RPS6KA2: variants seen among roughly 807,000 people sequenced by gnomAD.
RPS6KA2 encodes ribosomal protein S6 kinase alpha-2.
A neutral mutation model predicts 91.8 loss-of-function variants in RPS6KA2; 42 were observed. That is an observed-to-expected ratio of 0.46 (90% CI 0.36 to 0.59). The LOEUF (loss-of-function observed/expected upper bound fraction) is 0.59. Ranked by LOEUF, RPS6KA2 falls within the 20% of genes least tolerant of loss-of-function variation. The pLI is 0.00. For missense variants in RPS6KA2, 798 were observed against 978.5 expected, an observed-to-expected ratio of 0.82 and a Z score of 2.46; for synonymous variants, 414 against 393.6, an observed-to-expected ratio of 1.05 and a Z score of -0.61.
At chr6:166,551,199 T>C (rs891134863) in intron 1 of RPS6KA2, among the ~76,000 whole-genome samples, 1 of 152,146 alleles carries the variant, frequency 6.6e-6, no homozygotes, top group Non-Finnish European at 1.5e-5. Flanking sequence ...AATGTATGTG[T>C]GTGTTGGACT....
chr6:166,586,424 T>C, intron 1 of RPS6KA2: 7 of 1,599,998 alleles, frequency 4.4e-6, no homozygotes, highest in Non-Finnish European at 5.9e-6. Context: ...TTTCTGTGAA[T>C]CTACTAGCAA....
At chr6:166,728,888 C>A (rs928721993) in intron 2 of RPS6KA2, among the ~76,000 whole-genome samples, 9 of 152,208 alleles carry the variant, frequency 5.9e-5, no homozygotes, top group African/African-American at 9.6e-5. Flanking sequence ...CTAAAACTGG[C>A]ATTTCTCAAC....
At position 166,627,063 on chromosome 6, in the gene RPS6KA2, G is replaced by T; in HGVS notation, c.-44C>A. Reference sequence around the variant, plus strand: ...GAGCAGCCGCAGGGCCGGGGGACGCGCATCCCCGGCATCCCAGGCGCGGGG... The same window carrying T: ...GAGCAGCCGCAGGGCCGGGGGACGCTCATCCCCGGCATCCCAGGCGCGGGG... On this transcript the variant is annotated 5_prime_UTR_variant, in exon 1 of 21. Coordinates refer to ENST00000265678, the MANE Select transcript of RPS6KA2 (RefSeq NM_021135.6). 1 of 1,319,788 alleles carries T rather than the reference G, an allele frequency of 7.6e-7. No individual in the cohort carries two copies. Among genetic ancestry groups the T allele is most frequent in the Admixed American group, 3.2e-5 (1 of 31,154 alleles). 81.8% of individuals were successfully genotyped at this position (1,319,788 alleles called of 1,614,324 possible).
At chr6:166,667,989 C>A (rs965653267) in intron 2 of RPS6KA2, among the ~76,000 whole-genome samples, 1 of 152,250 alleles carries the variant, frequency 6.6e-6, no homozygotes, top group East Asian at 1.9e-4. Flanking sequence ...CCGCACACAG[C>A]GGGAGCTCAT....
At chr6:166,470,581 G>A (rs1562517096) in intron 10 of RPS6KA2, among the ~76,000 whole-genome samples, 1 of 152,216 alleles carries the variant, frequency 6.6e-6, no homozygotes, top group African/African-American at 2.4e-5. Context: ...AGTAGGCGGA[G>A]CGCTGGGGGC....
chr6:166,427,747 G>C (rs886424129), intron 16 of RPS6KA2, among the ~76,000 whole-genome samples: 3 of 152,264 alleles, frequency 2.0e-5, no homozygotes, highest in East Asian at 1.9e-4. Context: ...ACTTACAAGG[G>C]ACGTGAAGGA....
rs1037619473 is a variant in RPS6KA2 at position 166,494,827 on chromosome 6, G to A, written c.747+3681C>T. 6.6e-6 allele frequency among the ~76,000 whole-genome samples: 1 copy of A among 152,156 alleles called. No individual in the cohort carries two copies. The highest frequency in any genetic ancestry group is 2.4e-5 in the African/African-American group (1 of 41,426). ...GGGACGGACGGCCACCCACACATGA[G>A]GACCACTCCCTCAGCACGCGGCCTC... On this transcript the variant is annotated intron_variant, in intron 8 of 20. Coordinates refer to ENST00000265678, the MANE Select transcript of RPS6KA2 (RefSeq NM_021135.6). The surrounding 1 kb of genome is among the most constrained non-coding windows in gnomAD (Gnocchi z 5.1).
chr6:166,657,161 G>A (rs1436331121), intron 2 of RPS6KA2, among the ~76,000 whole-genome samples: 1 of 152,152 alleles, frequency 6.6e-6, no homozygotes, highest in Admixed American at 6.5e-5. Flanking sequence ...AGGAAAAGGA[G>A]AACTTCATCA....
intron 5 of RPS6KA2, 51 bp from the exon 6 acceptor site, chr6:166,504,663 T>C (rs1426442173): frequency 7.5e-7 from 1 of 1,324,822 alleles, no homozygotes; most frequent in South Asian, 1.2e-5. Context: ...ACTTGTTTTA[T>C]GGCTGGTGTG....
At chr6:166,633,710 TAC>T (rs1787150926) in intron 2 of RPS6KA2, among the ~76,000 whole-genome samples, 1 of 152,256 alleles carries the variant, frequency 6.6e-6, no homozygotes, top group South Asian at 2.1e-4. Context: ...AGATTATAAT[TAC>T]AGTTATAATT....
At chr6:166,724,706 A>G (rs1339321835) in intron 2 of RPS6KA2, among the ~76,000 whole-genome samples, 6 of 152,164 alleles carry the variant, frequency 3.9e-5, no homozygotes, top group African/African-American at 9.7e-5. Context: ...TCCTAGTCCT[A>G]TGCTGAGGGT....
At chr6:166,505,307 C>T (rs969186641) in intron 5 of RPS6KA2, among the ~76,000 whole-genome samples, 2 of 152,144 alleles carry the variant, frequency 1.3e-5, no homozygotes, top group Non-Finnish European at 2.9e-5. Flanking sequence ...GCCTAAGTGT[C>T]CATGTCCCGG....
intron 10 of RPS6KA2, among the ~76,000 whole-genome samples, chr6:166,471,342 G>A (rs577786335): frequency 1.3e-5 from 2 of 152,256 alleles, no homozygotes; most frequent in African/African-American, 2.4e-5. Context: ...CCTCCATTCC[G>A]CACTCTGGGC....
chr6:166,704,850 TTACAG>T (rs1267303761), intron 2 of RPS6KA2, among the ~76,000 whole-genome samples: 3 of 152,252 alleles, frequency 2.0e-5, no homozygotes, highest in African/African-American at 7.2e-5. Context: ...TTTTTCCTTA[TTACAG>T]TAAAGTTCTG....
intron 2 of RPS6KA2, among the ~76,000 whole-genome samples, chr6:166,777,247 C>A (rs537544286): frequency 1.5e-4 from 23 of 152,356 alleles, no homozygotes; most frequent in African/African-American, 5.3e-4. Flanking sequence ...GATTTTACGT[C>A]TTCTCTGATA....
chr6:166,683,746 G>A (rs1788911642), intron 2 of RPS6KA2, among the ~76,000 whole-genome samples: 1 of 152,238 alleles, frequency 6.6e-6, no homozygotes, highest in South Asian at 2.1e-4. Flanking sequence ...TTCGCATCCA[G>A]GGCCTCACTC....
rs1228092847 is a variant in RPS6KA2 at position 166,517,455 on chromosome 6, G to T, written c.299-7098C>A. 1.2e-3 allele frequency among the ~76,000 whole-genome samples: 122 copies of T among 104,864 alleles called. 2 individuals are homozygous for T. The highest frequency in any genetic ancestry group is 5.5e-3 in the South Asian group (18 of 3,278). 68.8% of individuals were successfully genotyped at this position (104,864 alleles called of 152,430 possible). A position where few individuals can be genotyped will look rare whatever the true frequency, so the allele number is the denominator to read the frequency against. ...ACCACTTAAGGCGTTCTTTTGTTTT[G>T]TTTTTTTTTTTTTTTTTTTTTTTTT... On this transcript the variant is annotated intron_variant, in intron 3 of 20. Transcript: ENST00000265678.
intron 2 of RPS6KA2, among the ~76,000 whole-genome samples, chr6:166,751,723 G>A (rs538666913): frequency 2.9e-4 from 44 of 152,360 alleles, no homozygotes; most frequent in African/African-American, 1.0e-3. Context: ...TGCACCATTC[G>A]CATCCTAGTG....
chr6:166,748,548 T>TCGGGCCCCCACC, intron 2 of RPS6KA2, among the ~76,000 whole-genome samples: 1 of 40,512 alleles, frequency 2.5e-5, no homozygotes, highest in East Asian at 8.3e-4. Flanking sequence ...CCCCATCCCC[T>TCGGGCCCCCACC]TGGGCCCCCA....
Sources: gnomAD v4.1 joint callset for allele counts (sites outside exome capture counted in the v4.1 genomes callset) on GRCh38, gnomAD v4.1.1 for gene constraint, Gnocchi (gnomAD v3.1) non-coding constraint, MANE v1.5 for transcripts, NCBI Gene and HGNC (gene_info 2026-07-23, HGNC 2026-07-21) for gene names.